The following S100A5 variants were observed in gnomAD, a reference collection of about 807,000 sequenced individuals.
S100A5 encodes the protein protein S100-A5.
Under a neutral mutation model 6.7 loss-of-function variants are expected in S100A5, and 5 were observed. The ratio of observed to expected loss-of-function variants is 0.75; its 90% CI spans 0.39 to 1.57. The LOEUF (loss-of-function observed/expected upper bound fraction) is 1.57, where lower values mean the gene tolerates loss of function less well. Among genes scored for constraint, S100A5 ranks in the 40% most tolerant of loss-of-function variants. The pLI is 0.03. For synonymous variants in S100A5, 49 were observed against 44.9 expected, an observed-to-expected ratio of 1.09 and a Z score of -0.37; for missense variants, 129 against 110.8, an observed-to-expected ratio of 1.16 and a Z score of -0.74.
upstream of S100A5, chr1:153,543,309 T>C: frequency 2.0e-6 from 2 of 985,144 alleles, no homozygotes; most frequent in Non-Finnish European, 2.4e-6. Context: ...CCAGCCTCGG[T>C]TCAAGATCCT....
chr1:153,542,570 G>T (rs1055122723), upstream of S100A5, among the ~76,000 whole-genome samples: 14 of 152,160 alleles, frequency 9.2e-5, no homozygotes, highest in Admixed American at 2.0e-4. Context: ...AAAGCCCCAT[G>T]TGATGAGAGG....
chr1:153,540,097 T>C lies in S100A5; in HGVS notation c.95A>G (p.Lys32Arg). 6.2e-7 allele frequency: 1 copy of C among 1,614,170 alleles called. No individual in the cohort carries two copies. The highest frequency in any genetic ancestry group is 8.5e-7 in the Non-Finnish European group (1 of 1,180,020). Residue 32 changes from lysine (K) to arginine (R), a missense_variant, in exon 2 of 3, where the codon AAG becomes AGG. By Grantham distance (26) the Lys-to-Arg change is conservative (BLOSUM62 2). Coordinates refer to ENST00000368717, the MANE Select transcript of S100A5 (RefSeq NM_001394232.1). The part of the protein sequence containing the change: ...REGSKLTLSR[K>R]ELKELIKKEL... ...TTTCTTGATCAGCTCCTTGAGTTCC[T>C]TCCTACTCAGGGTCAGTTTGCTACC...
At chr1:153,542,022 C>T, upstream of S100A5, 1 of 432,288 alleles carries the variant, frequency 2.3e-6, no homozygotes, top group Non-Finnish European at 3.1e-6. Context: ...AGACTCTTGG[C>T]ATGGAGGACT....
At chr1:153,541,669 AC>A (rs1256230223), upstream of S100A5, 18 of 1,146,940 alleles carry the variant, frequency 1.6e-5, no homozygotes, top group Middle Eastern at 4.0e-4. Flanking sequence ...TACTCTTCTG[AC>A]CAAAAATCAG....
upstream of S100A5, chr1:153,541,442 C>T: frequency 7.3e-7 from 1 of 1,367,806 alleles, no homozygotes; most frequent in Non-Finnish European, 9.8e-7. Flanking sequence ...CTCTCACTGC[C>T]TTCTGCCTTT....
chr1:153,537,306 T>A lies in S100A5; in HGVS notation c.269A>T (p.Asp90Val), dbSNP rs1665210751. ...CMAYNDFFLE[D>V]NK ...GGAGGGCAGCCCTGGTCACTTGTTG[T>A]CCTCTAGAAAGAAGTCGTTGTAGGC... is the stretch of plus-strand genomic sequence containing the variant. Residue 90 changes from aspartate to valine, a missense_variant, in exon 3 of 3, where the codon GAC (aspartate) becomes GTC (valine). Transcript: ENST00000368717. 2 of 1,613,564 alleles carry A rather than the reference T, an allele frequency of 1.2e-6. No individual in the cohort carries two copies. Among genetic ancestry groups the A allele is most frequent in the Non-Finnish European group, 1.7e-6 (2 of 1,179,694 alleles).
At chr1:153,541,590 T>C (rs1053421466), upstream of S100A5, 92 of 1,220,088 alleles carry the variant, frequency 7.5e-5, no homozygotes, top group Non-Finnish European at 9.0e-5. Flanking sequence ...CTCACCTTCC[T>C]TGTTTACAAA....
upstream of S100A5, chr1:153,541,934 G>A (rs925627174): frequency 1.0e-6 from 1 of 977,322 alleles, no homozygotes; most frequent in Non-Finnish European, 1.2e-6. Context: ...GCTAATATGG[G>A]CCCAGAGGTT....
intron 2 of S100A5, among the ~76,000 whole-genome samples, chr1:153,539,818 T>C (rs1274962050): frequency 6.6e-6 from 1 of 151,978 alleles, no homozygotes; most frequent in Non-Finnish European, 1.5e-5. Flanking sequence ...TCAATCTCCT[T>C]CTCTAAACCC....
At chr1:153,540,563 C>T (rs1665353826) in intron 1 of S100A5, 58 bp downstream of exon 1, 1 of 184,014 alleles carries the variant, frequency 5.4e-6, no homozygotes, top group African/African-American at 2.4e-5. Flanking sequence ...CTTCTTCCAG[C>T]TTAGGAACTG....
chr1:153,538,682 G>T (rs1340837836), intron 2 of S100A5, among the ~76,000 whole-genome samples: 2 of 152,210 alleles, frequency 1.3e-5, no homozygotes, highest in Non-Finnish European at 2.9e-5. Context: ...AGGGCTCAAG[G>T]TGTGATAGAT....
At chr1:153,539,442 AAAAAAAAAATATAT>A (rs1456063538) in intron 2 of S100A5, among the ~76,000 whole-genome samples, 8 of 112,452 alleles carry the variant, frequency 7.1e-5, no homozygotes, top group African/African-American at 3.6e-4. Flanking sequence ...AAAAAAAAAA[AAAAAAAAAATATAT>A]ATATATATAT....
intron 2 of S100A5, among the ~76,000 whole-genome samples, chr1:153,537,801 A>G (rs1234641177): frequency 6.6e-6 from 1 of 152,180 alleles, no homozygotes; most frequent in African/African-American, 2.4e-5. Flanking sequence ...TAATCCTAGC[A>G]CTTTGGGAGG....
At chr1:153,539,341 C>T (rs1276044467) in intron 2 of S100A5, among the ~76,000 whole-genome samples, 2 of 143,296 alleles carry the variant, frequency 1.4e-5, no homozygotes, top group East Asian at 2.1e-4. Context: ...GCAGGAGAAT[C>T]GCTTGAACCT....
At chr1:153,543,662 C>T (rs1300922603), upstream of S100A5, 4 of 1,155,082 alleles carry the variant, frequency 3.5e-6, no homozygotes, top group Non-Finnish European at 3.8e-6. Context: ...CAGCATCAAG[C>T]ACGTGTCTGA....
In S100A5 at chr1:153,540,218, A is replaced by G. The variant is rs978497388; in HGVS notation, c.-14-13T>C. 13 of 1,613,510 alleles carry G rather than the reference A, an allele frequency of 8.1e-6. No individual in the cohort carries two copies. Among genetic ancestry groups the G allele is most frequent in the Middle Eastern group, 1.7e-4 (1 of 6,060 alleles). The stretch of plus-strand genomic sequence containing the variant: ...ACAGTGTGCAGCTCTGTAGAGGGAG[A>G]GGGGAAGATCCCATTCCTCAGGAAG... On this transcript the variant is annotated splice_polypyrimidine_tract_variant and intron_variant, in intron 1 of 2. Transcript: ENST00000368717.
chr1:153,542,045 T>C (rs1665407644), upstream of S100A5: 1 of 327,694 alleles, frequency 3.1e-6, no homozygotes, highest in Admixed American at 6.5e-5. Flanking sequence ...GAATCAGGAA[T>C]AGGGAAGGTG....
intron 2 of S100A5, 94 bp downstream of exon 2, chr1:153,539,960 C>A: frequency 6.7e-7 from 1 of 1,500,416 alleles, no homozygotes; most frequent in Non-Finnish European, 9.1e-7. Context: ...CCACCCTGCC[C>A]CTGGCTTAGG....
chr1:153,539,071 A>G lies in S100A5; in HGVS notation c.138+983T>C, dbSNP rs1484752941. On this transcript the variant is annotated intron_variant, in intron 2 of 2. Transcript: ENST00000368717. ...CTTGAGCCTGAAAGTTCAAGGCTAC[A>G]GTGAGCCATGATCGCACCACTGCAC... 2.6e-5 allele frequency among the ~76,000 whole-genome samples: 4 copies of G among 152,268 alleles called. No individual in the cohort carries two copies. The East Asian group carries it at 5.8e-4, about 22-fold the overall frequency.
Sources: allele counts gnomAD v4.1 joint callset (sites outside exome capture counted in the v4.1 genomes callset), GRCh38; gene constraint gnomAD v4.1.1; transcripts MANE v1.5; gene names NCBI Gene and HGNC (gene_info 2026-07-23, HGNC 2026-07-21).